Variants in CCNK observed in about 807,000 individuals in gnomAD.
CCNK encodes the protein cyclin-K.
In CCNK, 9 loss-of-function variants were observed where a neutral mutation model predicts 65.0. The ratio of observed to expected loss-of-function variants is 0.14; its 90% CI spans 0.08 to 0.24. The LOEUF (loss-of-function observed/expected upper bound fraction) is 0.24, where lower values mean the gene tolerates loss of function less well. CCNK is among the 10% of genes least tolerant of loss of function. The probability of loss-of-function intolerance (pLI) is 1.00; values close to 1 mark genes in which losing one functional copy is unlikely to be tolerated. For synonymous variants in CCNK, 279 were observed against 270.8 expected, an observed-to-expected ratio of 1.03 and a Z score of -0.30; for missense variants, 474 against 720.0, an observed-to-expected ratio of 0.66 and a Z score of 3.91.
At chr14:99,497,995 CTAACGTGA>C (rs1382008372) in intron 4 of CCNK, among the ~76,000 whole-genome samples, 1 of 152,172 alleles carries the variant, frequency 6.6e-6, no homozygotes, top group African/African-American at 2.4e-5. Context: ...GCCCTGTGTC[CTAACGTGA>C]TAAGTCTGAT....
intron 1 of CCNK, among the ~76,000 whole-genome samples, chr14:99,483,915 A>G (rs1166730310): frequency 6.6e-6 from 1 of 152,238 alleles, no homozygotes; most frequent in Non-Finnish European, 1.5e-5. Context: ...AATGCACTCA[A>G]ACCATGTAGT....
At chr14:99,489,441 G>A (rs1028792802) in intron 1 of CCNK, among the ~76,000 whole-genome samples, 2 of 152,196 alleles carry the variant, frequency 1.3e-5, no homozygotes, top group Non-Finnish European at 2.9e-5. Flanking sequence ...TAGGCGGGAG[G>A]ATCGCTTGAG....
In CCNK at chr14:99,510,664, C is replaced by A; in HGVS notation, c.1625C>A (p.Pro542Gln). Residue 542 changes from proline to glutamine, a missense_variant, in exon 11 of 11, where the codon CCA becomes CAA. By Grantham distance (76) the Pro-to-Gln change is moderately conservative. Around this residue, in one of 6 missense-constraint regions of CCNK, gnomAD observed 53 missense variants for 91.4 expected, o/e 0.58. Transcript: ENST00000389879. ...PHPPPGLGLP[P>Q]ASYPPPAVPP... is the part of the protein sequence containing the mutation. Reference sequence around the variant, plus strand: ...CCTCCTCCAGGGTTGGGCCTGCCGCCAGCCAGCTACCCACCTCCTGCCGTC... The same window carrying A: ...CCTCCTCCAGGGTTGGGCCTGCCGCAAGCCAGCTACCCACCTCCTGCCGTC... 1 of 1,418,046 alleles carries A rather than the reference C, an allele frequency of 7.1e-7. No homozygotes were observed. Among genetic ancestry groups the A allele is most frequent in the Non-Finnish European group, 9.2e-7 (1 of 1,086,832 alleles). 87.8% of individuals were successfully genotyped at this position (1,418,046 alleles called of 1,614,324 possible).
At position 99,485,977 on chromosome 14, in the gene CCNK, GTATATATGTA is replaced by G. The variant is rs1896475162; in HGVS notation, c.-53+4500_-53+4509del. 2.6e-5 allele frequency among the ~76,000 whole-genome samples: 4 copies of G among 152,282 alleles called. 1 individual carries two copies. The South Asian group carries it at 8.3e-4, about 32-fold the overall frequency. On this transcript the variant is annotated intron_variant, in intron 1 of 10. Transcript: ENST00000389879. The stretch of plus-strand genomic sequence containing the variant: ...TAAAAATGTTATTTTATTTATATGT[GTATATATGTA>G]TTTTCTTGAAATATAATCCTATACC...
chr14:99,501,346 C>T lies in CCNK; in HGVS notation c.518-10C>T, dbSNP rs781579005. The T allele has an allele frequency of 4.4e-6, 7 of 1,584,024 alleles. No homozygotes were observed. Among genetic ancestry groups the T allele is most frequent in the African/African-American group, 1.3e-5 (1 of 74,244 alleles). On this transcript the variant is annotated splice_polypyrimidine_tract_variant and intron_variant, in intron 5 of 10. Transcript: ENST00000389879. The stretch of plus-strand genomic sequence containing the variant: ...TTGCTATTAATTTACCTTTTTGTCC[C>T]CATTTCTAGGTGATAAAAACAAAAT...
At position 99,510,259 on chromosome 14, in the gene CCNK, C is replaced by CCGCCCCCTT; in HGVS notation, c.1220_1221insCGCCCCCTT (p.Pro409_Val410insLeuAlaPro). ...GTCCAGATTCCCCCTCCGGCCCACCCGGCCCCTGTGCACCAGCCACCGCCG... is the reference window on the plus strand; with the variant it reads ...GTCCAGATTCCCCCTCCGGCCCACCCCGCCCCCTTGGCCCCTGTGCACCAGCCACCGCCG... On this transcript the variant is annotated inframe_insertion, in exon 11 of 11. Coordinates refer to ENST00000389879, the MANE Select transcript of CCNK (RefSeq NM_001099402.2). 1.3e-6 allele frequency: 2 copies of CCGCCCCCTT among 1,555,736 alleles called. No individual in the cohort carries two copies. Among genetic ancestry groups the CCGCCCCCTT allele is most frequent in the South Asian group, 2.3e-5 (2 of 85,698 alleles).
Position 99,510,674 on chromosome 14 carries a change from C to T in CCNK, c.1635C>T (p.Tyr545=). 7.0e-7 allele frequency: 1 copy of T among 1,420,566 alleles called. No homozygotes were observed. Among genetic ancestry groups the T allele is most frequent in the South Asian group, 1.5e-5 (1 of 65,590 alleles). 88.0% of individuals were successfully genotyped at this position (1,420,566 alleles called of 1,614,324 possible). The change falls in exon 11 of 11, where the codon TAC becomes TAT. Residue 545 remains tyrosine (Y), a synonymous_variant. Transcript: ENST00000389879. ...PPGLGLPPAS[Y]PPPAVPPGGQ... ...GGTTGGGCCTGCCGCCAGCCAGCTACCCACCTCCTGCCGTCCCCCCTGGAG... is the reference window on the plus strand; with the variant it reads ...GGTTGGGCCTGCCGCCAGCCAGCTATCCACCTCCTGCCGTCCCCCCTGGAG...
At chr14:99,483,329 A>G (rs1896402155) in intron 1 of CCNK, among the ~76,000 whole-genome samples, 1 of 152,224 alleles carries the variant, frequency 6.6e-6, no homozygotes, top group South Asian at 2.1e-4. Context: ...CTGGAGGATC[A>G]CACAAGCTCA....
At chr14:99,492,017 T>TA (rs1164046213) in intron 1 of CCNK, 1 of 152,240 alleles carries the variant, frequency 6.6e-6, no homozygotes, top group Non-Finnish European at 1.5e-5. Context: ...AAGAACAGTT[T>TA]AAAGGAGCTC....
intron 10 of CCNK, 139 bp from the exon 11 acceptor site, chr14:99,510,017 TG>T: frequency 1.3e-6 from 1 of 776,602 alleles, no homozygotes; most frequent in Non-Finnish European, 2.0e-6. Flanking sequence ...ACATGGGGCA[TG>T]GGCCCATGCG....
At chr14:99,488,989 A>G (rs1433404397) in intron 1 of CCNK, among the ~76,000 whole-genome samples, 1 of 151,102 alleles carries the variant, frequency 6.6e-6, no homozygotes, top group Non-Finnish European at 1.5e-5. Flanking sequence ...TAGTCTGAGT[A>G]CATCCCAGGC....
chr14:99,482,087 C>G (rs999229840), intron 1 of CCNK, among the ~76,000 whole-genome samples: 1 of 152,188 alleles, frequency 6.6e-6, no homozygotes, highest in Non-Finnish European at 1.5e-5. Flanking sequence ...GAGCGTAAGT[C>G]TAGAGGTTAT....
chr14:99,502,863 C>G lies in CCNK; in HGVS notation c.890C>G (p.Ser297Cys), dbSNP rs754196878. The change falls in exon 8 of 11, where the codon TCC becomes TGC. Residue 297 changes from serine (S) to cysteine (C), a missense_variant. Ser to Cys is a moderately radical substitution (Grantham distance 112, BLOSUM62 -1). Transcript: ENST00000389879. ...QVQQSQPSQS[S>C]EPSQPQQKDP... ...CAGCAGTCACAGCCGTCTCAAAGCTCCGAACCATCCCAGCCCCAGCAGAAG... is the reference window on the plus strand; with the variant it reads ...CAGCAGTCACAGCCGTCTCAAAGCTGCGAACCATCCCAGCCCCAGCAGAAG... 36 of 1,613,240 alleles carry G rather than the reference C, an allele frequency of 2.2e-5. No homozygotes were observed. The highest frequency in any genetic ancestry group is 3.0e-5 in the Non-Finnish European group (35 of 1,179,554).
rs1256283160 is a variant in CCNK, at chr14:99,493,048, A to G, written c.197+174A>G. 9.1e-6 allele frequency: 6 copies of G among 662,226 alleles called. No individual in the cohort carries two copies. The Admixed American group carries it at 1.1e-4, about 12-fold the overall frequency. 41.0% of individuals were successfully genotyped at this position (662,226 alleles called of 1,614,324 possible). On this transcript the variant is annotated intron_variant, in intron 2 of 10. Transcript: ENST00000389879. ...TTTTCTCTTTCTGATTTGTCATTTT[A>G]AAGGTGTAGACTTAGCCACTGAGGA... is the stretch of plus-strand genomic sequence containing the variant.
chr14:99,491,668 A>G (rs1056629281), intron 1 of CCNK, among the ~76,000 whole-genome samples: 2 of 152,196 alleles, frequency 1.3e-5, no homozygotes, highest in African/African-American at 2.4e-5. Flanking sequence ...CAGCCCCACC[A>G]TGTCACCTTC....
intron 7 of CCNK, 86 bp from the exon 8 acceptor site, chr14:99,502,633 G>C: frequency 1.5e-6 from 2 of 1,327,806 alleles, no homozygotes; most frequent in Non-Finnish European, 2.1e-6. Context: ...GGTCCTCGTA[G>C]GGGTATCATA....
intron 4 of CCNK, among the ~76,000 whole-genome samples, chr14:99,496,315 A>G (rs1471153357): frequency 6.6e-6 from 1 of 152,192 alleles, no homozygotes; most frequent in African/African-American, 2.4e-5. Flanking sequence ...TTTGCAATTA[A>G]ATAGATTTTC....
chr14:99,482,102 C>T (rs1896351113), intron 1 of CCNK, among the ~76,000 whole-genome samples: 1 of 152,218 alleles, frequency 6.6e-6, no homozygotes, highest in Admixed American at 6.5e-5. Flanking sequence ...GGTTATGTGA[C>T]AGCTCCTAAA....
chr14:99,485,604 C>T (rs1896465114), intron 1 of CCNK, among the ~76,000 whole-genome samples: 1 of 152,114 alleles, frequency 6.6e-6, no homozygotes, highest in Non-Finnish European at 1.5e-5. Flanking sequence ...TTTTCATTCT[C>T]CTTTATGCTG....
Sources: gnomAD v4.1 joint callset for allele counts (sites outside exome capture counted in the v4.1 genomes callset) on GRCh38, gnomAD v4.1.1 for gene constraint, gnomAD v4.1.1 regional missense constraint, MANE v1.5 for transcripts, NCBI Gene and HGNC (gene_info 2026-07-23, HGNC 2026-07-21) for gene names.